PALM2AKAP2: variants seen among roughly 807,000 people sequenced by gnomAD.
PALM2AKAP2 encodes PALM2-AKAP2 fusion protein.
In PALM2AKAP2, 37 loss-of-function variants were observed where a neutral mutation model predicts 71.5. That is an observed-to-expected ratio of 0.52 (90% CI 0.40 to 0.68). The LOEUF (loss-of-function observed/expected upper bound fraction) is 0.68. PALM2AKAP2 is among the 30% of genes least tolerant of loss of function. PALM2AKAP2 has a pLI of 0.00. For synonymous variants in PALM2AKAP2, 468 were observed against 478.8 expected (o/e 0.98, Z 0.29); for missense variants, 1,224 against 1,191.8 (o/e 1.03, Z -0.40).
intron 1 of PALM2AKAP2, among the ~76,000 whole-genome samples, chr9:109,704,999 C>G (rs1373874717): frequency 1.3e-5 from 2 of 152,174 alleles, no homozygotes; most frequent in African/African-American, 4.8e-5. Context: ...ACCTTGGTTG[C>G]ATTTCCTAAC....
At chr9:110,015,973 G>A in exon 7 of PALM2AKAP2, 8 of 1,613,986 alleles carry the variant, frequency 5.0e-6, no homozygotes, top group Non-Finnish European at 6.8e-6. Flanking sequence ...GGGAGAATGT[G>A]CTGCTAAAGG....
At chr9:110,096,109 T>A (rs1379617024) in intron 1 of PALM2AKAP2, among the ~76,000 whole-genome samples, 2 of 152,202 alleles carry the variant, frequency 1.3e-5, no homozygotes, top group Non-Finnish European at 2.9e-5. Context: ...AATTTATTAT[T>A]ACTGTTCCAA....
intron 1 of PALM2AKAP2, among the ~76,000 whole-genome samples, chr9:109,807,308 G>A (rs10759367): frequency 0.61 from 92,768 of 152,098 alleles, 29,782 homozygotes; most frequent in African/African-American, 0.82. Context: ...GGAGATGTTG[G>A]TCTGATACCT....
chr9:110,147,090 A>G (rs1363049785), intron 2 of PALM2AKAP2, among the ~76,000 whole-genome samples: 1 of 152,072 alleles, frequency 6.6e-6, no homozygotes, highest in Non-Finnish European at 1.5e-5. Flanking sequence ...ATGTCTACCA[A>G]AAATATAAAA....
In PALM2AKAP2 at chr9:110,154,994, A is replaced by G. The variant is rs139788732; in HGVS notation, c.2570-1325A>G. 1.9e-3 allele frequency among the ~76,000 whole-genome samples: 290 copies of G among 152,356 alleles called. 2 individuals are homozygous for G. Among genetic ancestry groups the G allele is most frequent in the African/African-American group, 6.7e-3 (278 of 41,592 alleles). On this transcript the variant is annotated intron_variant, in intron 2 of 3. Coordinates refer to ENST00000374525, the Ensembl canonical transcript of PALM2AKAP2. The stretch of plus-strand genomic sequence containing the variant: ...AAATGGGAATATGAAACGATGATCT[A>G]TAGTCAGTCACGTAGCCAAGTACTG...
At chr9:110,085,045 G>T (rs1834536778) in intron 1 of PALM2AKAP2, among the ~76,000 whole-genome samples, 1 of 151,960 alleles carries the variant, frequency 6.6e-6, no homozygotes, top group African/African-American at 2.4e-5. Flanking sequence ...CGGCCTAGAT[G>T]CAACCATACT....
intron 3 of PALM2AKAP2, among the ~76,000 whole-genome samples, chr9:109,904,788 C>T (rs1830409242): frequency 6.6e-6 from 1 of 152,204 alleles, no homozygotes; most frequent in South Asian, 2.1e-4. Context: ...TGTACTATCT[C>T]TGTATCCAAG....
chr9:109,866,963 A>G (rs1829463731), intron 1 of PALM2AKAP2: 2 of 450,636 alleles, frequency 4.4e-6, no homozygotes, highest in Non-Finnish European at 4.5e-6. Flanking sequence ...ATTGTTTGGT[A>G]TGTCCAACTG....
At chr9:109,739,931 A>G (rs1465863001) in intron 1 of PALM2AKAP2, among the ~76,000 whole-genome samples, 1 of 152,194 alleles carries the variant, frequency 6.6e-6, no homozygotes, top group Non-Finnish European at 1.5e-5. Flanking sequence ...TCTCATCTTA[A>G]GGTCTTGTCA....
intron 7 of PALM2AKAP2, among the ~76,000 whole-genome samples, chr9:110,027,166 G>A (rs185035128): frequency 4.5e-4 from 68 of 152,250 alleles, no homozygotes; most frequent in African/African-American, 1.5e-3. Context: ...CTTCTGTGGC[G>A]TGAACTGTCC....
intron 1 of PALM2AKAP2, among the ~76,000 whole-genome samples, chr9:109,813,791 G>A (rs561474614): frequency 2.2e-4 from 33 of 152,242 alleles, no homozygotes; most frequent in Non-Finnish European, 4.1e-4. Context: ...TCAAGAAGCC[G>A]ATAACTCCTA....
At chr9:109,792,202 G>A (rs1353524977) in intron 1 of PALM2AKAP2, among the ~76,000 whole-genome samples, 11 of 152,146 alleles carry the variant, frequency 7.2e-5, no homozygotes, top group Admixed American at 1.3e-4. Flanking sequence ...TATCCAGCAT[G>A]CTGGATGAAC....
chr9:109,992,735 G>A (rs1832507959), intron 6 of PALM2AKAP2, among the ~76,000 whole-genome samples: 1 of 152,030 alleles, frequency 6.6e-6, no homozygotes, highest in African/African-American at 2.4e-5. Context: ...AAGAGAGAAT[G>A]CAACTAGATG....
intron 2 of PALM2AKAP2, among the ~76,000 whole-genome samples, chr9:110,142,760 A>G (rs1356171882): frequency 6.6e-6 from 1 of 152,242 alleles, no homozygotes; most frequent in African/African-American, 2.4e-5. Flanking sequence ...GAGTAAGTTA[A>G]TGGAAGAGAT....
intron 1 of PALM2AKAP2, among the ~76,000 whole-genome samples, chr9:110,050,894 C>T (rs1833697418): frequency 6.6e-6 from 1 of 152,212 alleles, no homozygotes; most frequent in African/African-American, 2.4e-5. Flanking sequence ...TCCCAAAGTG[C>T]TGGGATTACA....
intron 1 of PALM2AKAP2, among the ~76,000 whole-genome samples, chr9:109,829,416 A>G (rs1828239005): frequency 6.6e-6 from 1 of 152,074 alleles, no homozygotes; most frequent in Non-Finnish European, 1.5e-5. Flanking sequence ...TGACTGATTC[A>G]TCCTTGTTTC....
chr9:109,940,287 T>C (rs998892561), intron 6 of PALM2AKAP2, among the ~76,000 whole-genome samples: 2 of 152,198 alleles, frequency 1.3e-5, no homozygotes, highest in African/African-American at 2.4e-5. Context: ...AACTGAGTGG[T>C]AATTGTTAAG....
chr9:109,875,849 A>G (rs1301212368), intron 2 of PALM2AKAP2, among the ~76,000 whole-genome samples: 1 of 152,202 alleles, frequency 6.6e-6, no homozygotes, highest in African/African-American at 2.4e-5. Flanking sequence ...AGAGCCAGAA[A>G]CAGATTTACT....
At chr9:109,643,733 AT>A (rs1827108197) in intron 1 of PALM2AKAP2, among the ~76,000 whole-genome samples, 1 of 152,084 alleles carries the variant, frequency 6.6e-6, no homozygotes, top group Admixed American at 6.5e-5. Context: ...AACCTTCCCA[AT>A]TTCCAACTCT....
Sources: gnomAD v4.1 joint callset for allele counts (sites outside exome capture counted in the v4.1 genomes callset) on GRCh38, gnomAD v4.1.1 for gene constraint, MANE v1.5 for transcripts, NCBI Gene and HGNC (gene_info 2026-07-23, HGNC 2026-07-21) for gene names.